Variants in GRID2 observed in about 807,000 individuals in gnomAD.
GRID2 encodes glutamate receptor ionotropic, delta-2.
GRID2 carries 33 observed loss-of-function variants against 114.8 expected under a neutral mutation model. The ratio of observed to expected loss-of-function variants is 0.29; its 90% CI spans 0.22 to 0.38. GRID2 has a LOEUF of 0.38. GRID2 is among the 10% of genes least tolerant of loss of function. The pLI is 1.00. For missense variants in GRID2, 1,184 were observed against 1,257.7 expected, an observed-to-expected ratio of 0.94 and a Z score of 0.89; for synonymous variants, 505 against 449.9, an observed-to-expected ratio of 1.12 and a Z score of -1.55.
chr4:93,552,503 A>C lies in GRID2; in HGVS notation c.2193+37092A>C, dbSNP rs557928637. On this transcript the variant is annotated intron_variant, in intron 13 of 15. Transcript: ENST00000282020. ...TAGTTGACAGTCCCACCAACAGTGT[A>C]AAAGTGTTCCTATTTCTCCACATCC... is the stretch of plus-strand genomic sequence containing the variant. 8.7e-3 allele frequency among the ~76,000 whole-genome samples: 1,326 copies of C among 152,266 alleles called. 16 individuals carry two copies. Among genetic ancestry groups the C allele is most frequent in the African/African-American group, 0.029 (1,190 of 41,558 alleles).
At position 93,171,165 on chromosome 4, in the gene GRID2, A is replaced by G. The variant is rs143864169; in HGVS notation, c.736-36239A>G. Among the ~76,000 whole-genome samples the G allele has an allele frequency of 4.2e-3, 636 of 152,328 alleles. 8 individuals are homozygous for G. The highest frequency in any genetic ancestry group is 0.015 in the African/African-American group (613 of 41,566). ...ACATGGTTCTGTATTACCTACTTTCAACCCATTACCTTTCTGATCTTTTAA... is the reference window on the plus strand; with the variant it reads ...ACATGGTTCTGTATTACCTACTTTCGACCCATTACCTTTCTGATCTTTTAA... On this transcript the variant is annotated intron_variant, in intron 4 of 15. Transcript: ENST00000282020.
intron 2 of GRID2, among the ~76,000 whole-genome samples, chr4:92,806,822 A>G (rs927560348): frequency 1.3e-5 from 2 of 151,986 alleles, no homozygotes; most frequent in African/African-American, 4.8e-5. Flanking sequence ...TAACTCAAAG[A>G]AAGTTATCAT....
intron 4 of GRID2, among the ~76,000 whole-genome samples, chr4:93,162,295 C>G (rs1311775278): frequency 6.6e-6 from 1 of 151,902 alleles, no homozygotes; most frequent in Non-Finnish European, 1.5e-5. Context: ...TGTATATATT[C>G]AAATACATTT....
chr4:92,563,547 C>A (rs1449847574), intron 1 of GRID2, among the ~76,000 whole-genome samples: 3 of 152,078 alleles, frequency 2.0e-5, no homozygotes, highest in South Asian at 2.1e-4. Context: ...TTTTACCACA[C>A]TCCTCCTGAA....
intron 3 of GRID2, among the ~76,000 whole-genome samples, chr4:93,108,941 T>A (rs773520468): frequency 1.3e-5 from 2 of 152,172 alleles, no homozygotes; most frequent in Non-Finnish European, 2.9e-5. Flanking sequence ...TGACATGTAT[T>A]CTAAAGGTAT....
intron 2 of GRID2, among the ~76,000 whole-genome samples, chr4:93,000,562 A>AG (rs1266067014): frequency 6.6e-6 from 1 of 151,716 alleles, no homozygotes; most frequent in Non-Finnish European, 1.5e-5. Flanking sequence ...CTTATAAAAA[A>AG]TTAAAATGTT....
At chr4:93,434,654 G>A (rs1205003081) in intron 10 of GRID2, among the ~76,000 whole-genome samples, 2 of 151,980 alleles carry the variant, frequency 1.3e-5, no homozygotes, top group Non-Finnish European at 2.9e-5. Context: ...TAGCCGTAGA[G>A]GTCCAATTAC....
intron 2 of GRID2, among the ~76,000 whole-genome samples, chr4:92,717,233 T>C (rs189979852): frequency 1.3e-5 from 2 of 152,264 alleles, no homozygotes; most frequent in South Asian, 2.1e-4. Context: ...CCTGAGACTA[T>C]CATAAGGCAA....
At chr4:93,279,699 C>CT (rs1554023599) in intron 8 of GRID2, among the ~76,000 whole-genome samples, 2 of 151,878 alleles carry the variant, frequency 1.3e-5, no homozygotes, top group South Asian at 2.1e-4. Context: ...AAGACCTTTA[C>CT]TTTTTTTATA....
intron 2 of GRID2, among the ~76,000 whole-genome samples, chr4:92,938,321 A>T (rs984748543): frequency 1.4e-4 from 21 of 146,546 alleles, no homozygotes; most frequent in African/African-American, 5.1e-4. Context: ...AATCTTCTTT[A>T]TGGCCCATCT....
intron 2 of GRID2, among the ~76,000 whole-genome samples, chr4:92,950,321 T>C (rs919141887): frequency 6.6e-6 from 1 of 152,176 alleles, no homozygotes; most frequent in South Asian, 2.1e-4. Context: ...AATGTAAATC[T>C]TGGACATAAA....
chr4:92,416,092 G>A (rs1237604184), intron 1 of GRID2, among the ~76,000 whole-genome samples: 2 of 151,656 alleles, frequency 1.3e-5, no homozygotes, highest in Admixed American at 6.6e-5. Context: ...TTTACTTATG[G>A]CCATTCTTGC....
intron 2 of GRID2, among the ~76,000 whole-genome samples, chr4:92,989,255 TGA>T (rs1754699671): frequency 8.5e-6 from 1 of 117,722 alleles, no homozygotes; most frequent in African/African-American, 3.4e-5. Context: ...CCAGCCTGGG[TGA>T]CAGAGCGAGA....
chr4:92,808,522 G>T (rs184339287), intron 2 of GRID2, among the ~76,000 whole-genome samples: 1 of 152,122 alleles, frequency 6.6e-6, no homozygotes, highest in East Asian at 1.9e-4. Context: ...CAAAGGAAGT[G>T]ATTTAATTAG....
intron 13 of GRID2, among the ~76,000 whole-genome samples, chr4:93,523,316 C>T (rs1030516919): frequency 1.3e-5 from 2 of 152,218 alleles, no homozygotes; most frequent in East Asian, 3.9e-4. Context: ...TCCTAGTTTG[C>T]TTGGGACAGT....
intron 2 of GRID2, among the ~76,000 whole-genome samples, chr4:92,999,329 G>A (rs181333000): frequency 1.6e-3 from 250 of 151,818 alleles, no homozygotes; most frequent in Middle Eastern, 0.01. Flanking sequence ...ACAAAGTAAA[G>A]TAACCAATTT....
At chr4:93,167,748 TTGA>T (rs1223274906) in intron 4 of GRID2, among the ~76,000 whole-genome samples, 54 of 151,880 alleles carry the variant, frequency 3.6e-4, no homozygotes, top group African/African-American at 1.1e-3. Flanking sequence ...AACTGAAAAC[TTGA>T]TGATATTAAG....
intron 1 of GRID2, among the ~76,000 whole-genome samples, chr4:92,372,481 A>G (rs937451035): frequency 2.6e-5 from 4 of 152,210 alleles, no homozygotes; most frequent in African/African-American, 9.6e-5. Context: ...TCTGACTCAC[A>G]GAAGGTTCAG....
chr4:92,371,492 CTCTG>C (rs1436613593), intron 1 of GRID2, among the ~76,000 whole-genome samples: 1 of 152,132 alleles, frequency 6.6e-6, no homozygotes, highest in East Asian at 1.9e-4. Context: ...GTAAAATCTA[CTCTG>C]TCTGTGCTCT....
Sources: allele counts gnomAD v4.1 joint callset (sites outside exome capture counted in the v4.1 genomes callset), GRCh38; gene constraint gnomAD v4.1.1; transcripts MANE v1.5; gene names NCBI Gene and HGNC (gene_info 2026-07-23, HGNC 2026-07-21).